The following ENOX1 variants were observed in gnomAD, a reference collection of about 807,000 sequenced individuals.
ENOX1 encodes ecto-NOX disulfide-thiol exchanger 1.
ENOX1 carries 42 observed loss-of-function variants against 82.5 expected under a neutral mutation model. The observed-to-expected ratio is 0.51, with a 90% confidence interval of 0.40 to 0.66. ENOX1 has a LOEUF of 0.66. Ranked by LOEUF, ENOX1 falls within the 30% of genes least tolerant of loss-of-function variation. The probability of loss-of-function intolerance (pLI) is 0.00; values close to 1 mark genes in which losing one functional copy is unlikely to be tolerated. For missense variants in ENOX1, 608 were observed against 811.6 expected, an observed-to-expected ratio of 0.75 and a Z score of 3.05; for synonymous variants, 271 against 282.2, an observed-to-expected ratio of 0.96 and a Z score of 0.40.
At chr13:43,609,860 TTAATC>T (rs1383653335) in intron 2 of ENOX1, 1 of 933,088 alleles carries the variant, frequency 1.1e-6, no homozygotes, top group Non-Finnish European at 1.3e-6. Flanking sequence ...AAGAAAAACA[TTAATC>T]TACTACTAGG....
intron 1 of ENOX1, among the ~76,000 whole-genome samples, chr13:43,756,738 C>T (rs959466321): frequency 2.0e-5 from 3 of 152,042 alleles, no homozygotes; most frequent in Admixed American, 6.5e-5. Flanking sequence ...TGAAATTGGA[C>T]AGGCAGGAAC....
At chr13:43,762,672 G>T (rs1427521770) in intron 1 of ENOX1, among the ~76,000 whole-genome samples, 1 of 152,164 alleles carries the variant, frequency 6.6e-6, no homozygotes, top group Non-Finnish European at 1.5e-5. Context: ...GAATCCTAGA[G>T]TATTGAAAAT....
At chr13:43,591,733 T>G (rs1245307538) in intron 2 of ENOX1, among the ~76,000 whole-genome samples, 2 of 152,004 alleles carry the variant, frequency 1.3e-5, no homozygotes, top group African/African-American at 4.8e-5. Flanking sequence ...CAGGGAAAAC[T>G]GGAGCTTTGG....
chr13:43,752,857 T>C (rs1429413391), intron 1 of ENOX1, among the ~76,000 whole-genome samples: 1 of 151,478 alleles, frequency 6.6e-6, no homozygotes, highest in Non-Finnish European at 1.5e-5. Flanking sequence ...GTTCATTGCA[T>C]TTCTTTTTTT....
At chr13:43,256,836 A>G (rs1165139652) in intron 14 of ENOX1, among the ~76,000 whole-genome samples, 4 of 152,188 alleles carry the variant, frequency 2.6e-5, no homozygotes, top group Non-Finnish European at 5.9e-5. Flanking sequence ...AAGAAAATCA[A>G]TATACCAAAG....
At chr13:43,697,653 C>A (rs1295006903) in intron 1 of ENOX1, among the ~76,000 whole-genome samples, 1 of 152,144 alleles carries the variant, frequency 6.6e-6, no homozygotes, top group Non-Finnish European at 1.5e-5. Context: ...ACTAGCAGGA[C>A]CTGGGCAAAA....
At chr13:43,699,357 T>C (rs2086798847) in intron 1 of ENOX1, among the ~76,000 whole-genome samples, 1 of 152,166 alleles carries the variant, frequency 6.6e-6, no homozygotes, top group South Asian at 2.1e-4. Context: ...GTAGAAAGAA[T>C]TCTTTTCTCC....
At chr13:43,317,056 A>C (rs908748746) in intron 11 of ENOX1, among the ~76,000 whole-genome samples, 3 of 152,200 alleles carry the variant, frequency 2.0e-5, no homozygotes, top group African/African-American at 7.2e-5. Flanking sequence ...TACATGTGAA[A>C]ACAGCTTATC....
intron 2 of ENOX1, among the ~76,000 whole-genome samples, chr13:43,521,366 C>G (rs2077761298): frequency 6.6e-6 from 1 of 151,936 alleles, no homozygotes; most frequent in Non-Finnish European, 1.5e-5. Context: ...TACTATAGGC[C>G]CCTAGAGAGC....
intron 3 of ENOX1, among the ~76,000 whole-genome samples, chr13:43,419,836 T>TGAC (rs2054867925): frequency 6.6e-6 from 1 of 152,062 alleles, no homozygotes; most frequent in African/African-American, 2.4e-5. Context: ...CCGGGCGTGG[T>TGAC]GACGTGCACC....
chr13:43,472,017 A>T (rs1316275403), intron 3 of ENOX1, among the ~76,000 whole-genome samples: 1 of 151,860 alleles, frequency 6.6e-6, no homozygotes, highest in Non-Finnish European at 1.5e-5. Context: ...TCACAAAAAA[A>T]AAGAAAAGAA....
At chr13:43,302,838 C>T (rs1307714188) in intron 11 of ENOX1, among the ~76,000 whole-genome samples, 1 of 152,152 alleles carries the variant, frequency 6.6e-6, no homozygotes, top group Admixed American at 6.5e-5. Context: ...CCAGCCTGAG[C>T]CAGCCTCAGA....
chr13:43,288,244 A>T (rs1272019548), intron 12 of ENOX1, among the ~76,000 whole-genome samples: 1 of 152,240 alleles, frequency 6.6e-6, no homozygotes, highest in Non-Finnish European at 1.5e-5. Flanking sequence ...AAAGCCGTGT[A>T]ATCTGAGAGA....
chr13:43,365,093 T>C (rs2050764308), intron 5 of ENOX1, among the ~76,000 whole-genome samples: 1 of 152,190 alleles, frequency 6.6e-6, no homozygotes, highest in Non-Finnish European at 1.5e-5. Flanking sequence ...AGGGCTCCGG[T>C]GCCTGGGCCG....
At chr13:43,684,685 A>G (rs554731758) in intron 1 of ENOX1, among the ~76,000 whole-genome samples, 42 of 152,278 alleles carry the variant, frequency 2.8e-4, no homozygotes, top group African/African-American at 9.9e-4. Flanking sequence ...AAGCACTTGA[A>G]TTCCCATGTT....
At chr13:43,334,223 A>G (rs994532911) in intron 9 of ENOX1, among the ~76,000 whole-genome samples, 5 of 152,230 alleles carry the variant, frequency 3.3e-5, no homozygotes, top group African/African-American at 1.2e-4. Context: ...TGCTAGTATG[A>G]ATGCCCATTT....
intron 2 of ENOX1, 42 bp downstream of exon 2, chr13:43,667,437 C>G (rs759527201): frequency 1.3e-4 from 124 of 984,402 alleles, no homozygotes; most frequent in Non-Finnish European, 1.4e-4. Context: ...ATGGTGACAA[C>G]CAACCTGCTT....
intron 1 of ENOX1, among the ~76,000 whole-genome samples, chr13:43,677,417 C>T (rs2085562960): frequency 6.6e-6 from 1 of 152,144 alleles, no homozygotes; most frequent in Non-Finnish European, 1.5e-5. Context: ...GTACAGGTGG[C>T]TCTGAGGCTG....
At chr13:43,271,328 A>AC (rs1566386866) in intron 12 of ENOX1, among the ~76,000 whole-genome samples, 1 of 152,164 alleles carries the variant, frequency 6.6e-6, no homozygotes, top group Non-Finnish European at 1.5e-5. Flanking sequence ...TTCTAATGAC[A>AC]CAGAAGAAGC....
Sources: allele counts gnomAD v4.1 joint callset (sites outside exome capture counted in the v4.1 genomes callset), GRCh38; gene constraint gnomAD v4.1.1; transcripts MANE v1.5; gene names NCBI Gene and HGNC (gene_info 2026-07-23, HGNC 2026-07-21).